Variants in ZNF707 observed in about 807,000 individuals in gnomAD.
The protein encoded by ZNF707 is zinc finger protein 707.
ZNF707 carries 8 observed loss-of-function variants against 13.3 expected under a neutral mutation model. That is an observed-to-expected ratio of 0.60 (90% CI 0.35 to 1.09). ZNF707 has a LOEUF of 1.09. Among genes scored for constraint, ZNF707 ranks in the 50% least tolerant of loss-of-function variants. ZNF707 has a pLI of 0.02. For missense variants in ZNF707, 530 were observed against 512.6 expected, an observed-to-expected ratio of 1.03 and a Z score of -0.33; for synonymous variants, 225 against 205.6, an observed-to-expected ratio of 1.09 and a Z score of -0.81.
At position 143,693,336 on chromosome 8, in the gene ZNF707, G is replaced by A. The variant is rs1587400106; in HGVS notation, c.257-335G>A. On this transcript the variant is annotated intron_variant, in intron 5 of 5. Coordinates refer to ENST00000358656, the MANE Select transcript of ZNF707 (RefSeq NM_001100598.2). This position sits in a 1 kb window ranked among gnomAD's most constrained non-coding sequence, Gnocchi z 4.1. ...CGCTCTGTCGCCCAGGCTGGACTGC[G>A]GACTGCAGTGGCGCAATCTCGGCTC... is the stretch of plus-strand genomic sequence containing the variant. Among the ~76,000 whole-genome samples, 1 of 151,140 alleles carries A rather than the reference G, an allele frequency of 6.6e-6. No homozygotes were observed. The highest frequency in any genetic ancestry group is 1.5e-5 in the Non-Finnish European group (1 of 67,754).
In ZNF707 at chr8:143,691,628, C is replaced by T; in HGVS notation, c.171C>T (p.Val57=). The change falls in exon 5 of 6, where the codon GTC becomes GTT. Residue 57 remains valine (V), a synonymous_variant. Transcript: ENST00000358656. ...LGFCSPRPDL[V]SRLEQWEEPW... is the part of the protein sequence containing the mutation. ...TTTGCAGCCCCAGACCAGACCTCGT[C>T]TCTCGCCTGGAACAGTGGGAGGAGC... is the stretch of plus-strand genomic sequence containing the variant. 5.0e-6 allele frequency: 8 copies of T among 1,609,392 alleles called. No individual in the cohort carries two copies. The highest frequency in any genetic ancestry group is 6.8e-6 in the Non-Finnish European group (8 of 1,178,282).
chr8:143,684,742 C>T (rs1816099302), intron 1 of ZNF707, 200 bp downstream of exon 1: 1 of 152,368 alleles, frequency 6.6e-6, no homozygotes, highest in Non-Finnish European at 1.5e-5. Flanking sequence ...TCTCCTCGCT[C>T]CTTACACTTG....
chr8:143,690,288 G>T (rs1485850733), intron 3 of ZNF707, 165 bp downstream of exon 3: 2 of 856,698 alleles, frequency 2.3e-6, no homozygotes, highest in African/African-American at 3.4e-5. Context: ...AAAGAAAATT[G>T]GGGCCAGGCG....
intron 1 of ZNF707, chr8:143,687,081 G>A (rs1297352946): frequency 6.6e-6 from 1 of 151,674 alleles, no homozygotes; most frequent in Non-Finnish European, 1.5e-5. Context: ...ATGTTGGCCA[G>A]GCTGGTCTCA....
At chr8:143,686,677 A>T (rs1816305799) in intron 1 of ZNF707, among the ~76,000 whole-genome samples, 1 of 151,728 alleles carries the variant, frequency 6.6e-6, no homozygotes, top group Admixed American at 6.6e-5. Flanking sequence ...AGAAAAAAAA[A>T]TTTAAACAAT....
In ZNF707 at chr8:143,695,262, CTT is replaced by C. The variant is rs1554615099; in HGVS notation, c.*734_*735del. The C allele has an allele frequency of 6.6e-6, 1 of 152,164 alleles. No individual in the cohort carries two copies. Among genetic ancestry groups the C allele is most frequent in the African/African-American group, 2.4e-5 (1 of 41,430 alleles). 9.4% of individuals were successfully genotyped at this position (152,164 alleles called of 1,614,324 possible). On this transcript the variant is annotated 3_prime_UTR_variant, in exon 6 of 6. Transcript: ENST00000358656. Reference sequence around the variant, plus strand: ...CATTTCGTGGGGGAAGAGGTGACCTCTTTGTTTTAAACTTAAGGTGTCTGCTT... The same window carrying C: ...CATTTCGTGGGGGAAGAGGTGACCTCTGTTTTAAACTTAAGGTGTCTGCTT...
rs782022012 is a variant in ZNF707, at chr8:143,691,668, C to G, written c.211C>G (p.Arg71Gly). 3.1e-6 allele frequency: 5 copies of G among 1,607,084 alleles called. No homozygotes were observed. The highest frequency in any genetic ancestry group is 1.3e-5 in the African/African-American group (1 of 74,824). Reference sequence around the variant, plus strand: ...GTGGGAGGAGCCGTGGGTTGAAGACCGGGAGAGACCTGAGTTCCAGGCAGT... The same window carrying G: ...GTGGGAGGAGCCGTGGGTTGAAGACGGGGAGAGACCTGAGTTCCAGGCAGT... ...EQWEEPWVED[R>G]ERPEFQAVQR... Residue 71 changes from arginine (R) to glycine (G), a missense_variant, in exon 5 of 6, where the codon CGG becomes GGG. Arg to Gly is a moderately radical substitution (Grantham distance 125). Coordinates refer to ENST00000358656, the MANE Select transcript of ZNF707 (RefSeq NM_001100598.2).
intron 1 of ZNF707, among the ~76,000 whole-genome samples, chr8:143,685,271 T>C (rs1587363459): frequency 6.6e-6 from 1 of 152,318 alleles, no homozygotes; most frequent in East Asian, 1.9e-4. Flanking sequence ...CCGCCTGTAA[T>C]CTCAGCTCTT....
intron 5 of ZNF707, chr8:143,692,264 G>A: frequency 1.6e-6 from 2 of 1,289,976 alleles, no homozygotes; most frequent in African/African-American, 1.5e-5. Context: ...GAGCAGCTAT[G>A]TGAACACGAG....
Position 143,693,948 on chromosome 8 carries a change from C to T in ZNF707, c.534C>T (p.Cys178=). The T allele has an allele frequency of 1.9e-6, 3 of 1,601,192 alleles. No homozygotes were observed. Among genetic ancestry groups the T allele is most frequent in the Non-Finnish European group, 2.6e-6 (3 of 1,175,242 alleles). ...GCGCAGTAGAGCTGTCATTCATCTG[C>T]GGCACGTGCGGGAAGGCGCTCAGCT... ...KQRAVELSFI[C]GTCGKALSCH... is the part of the protein sequence containing the mutation. Residue 178 remains cysteine, a synonymous_variant, in exon 6 of 6, where the codon TGC becomes TGT. Coordinates refer to ENST00000358656, the MANE Select transcript of ZNF707 (RefSeq NM_001100598.2). The surrounding 1 kb of genome is among the most constrained non-coding windows in gnomAD (Gnocchi z 4.1).
intron 3 of ZNF707, 34 bp downstream of exon 3, chr8:143,690,157 T>C: frequency 3.1e-6 from 5 of 1,601,358 alleles, no homozygotes; most frequent in Non-Finnish European, 4.2e-6. Flanking sequence ...CAGCCTCCCT[T>C]CTGCCCTGCT....
Position 143,684,559 on chromosome 8 carries a change from C to T in ZNF707, c.-151+17C>T, listed in dbSNP as rs1047529971. The T allele has an allele frequency of 2.6e-5, 4 of 152,336 alleles. No individual in the cohort carries two copies. The highest frequency in any genetic ancestry group is 9.6e-5 in the African/African-American group (4 of 41,456). 9.4% of individuals were successfully genotyped at this position (152,336 alleles called of 1,614,324 possible). On this transcript the variant is annotated intron_variant, in intron 1 of 5. Coordinates refer to ENST00000358656, the MANE Select transcript of ZNF707 (RefSeq NM_001100598.2). ...GCCCCTGTGGTGAGTGCGCCCGTGT[C>T]CCCCGCCGCCCCTCCGTCCCTGGGT...
chr8:143,692,960 C>T (rs1246201412), intron 5 of ZNF707, among the ~76,000 whole-genome samples: 5 of 152,112 alleles, frequency 3.3e-5, no homozygotes, highest in Admixed American at 2.0e-4. Context: ...TGGAGCTACC[C>T]GTCTTCTAGA....
At chr8:143,687,671 T>G (rs1816415253) in intron 1 of ZNF707, among the ~76,000 whole-genome samples, 1 of 152,008 alleles carries the variant, frequency 6.6e-6, no homozygotes, top group Admixed American at 6.5e-5. Context: ...CTTTATGTGT[T>G]TTTTCTACCT....
chr8:143,690,222 A>G (rs1307094441), intron 3 of ZNF707, 99 bp downstream of exon 3: 4 of 1,490,214 alleles, frequency 2.7e-6, no homozygotes, highest in Admixed American at 1.8e-5. Flanking sequence ...GTGGCTTCCC[A>G]GGCACTGTGC....
At chr8:143,685,597 G>A (rs1816190749) in intron 1 of ZNF707, among the ~76,000 whole-genome samples, 1 of 151,842 alleles carries the variant, frequency 6.6e-6, no homozygotes, top group Admixed American at 6.6e-5. Flanking sequence ...CCCAGCACTT[G>A]GGGAGGCTGA....
rs782447101 is a variant in ZNF707, at chr8:143,693,857, T to G, written c.443T>G (p.Phe148Cys). The G allele has an allele frequency of 6.2e-7, 1 of 1,610,664 alleles. No homozygotes were observed. The highest frequency in any genetic ancestry group is 8.5e-7 in the Non-Finnish European group (1 of 1,178,732). Reference sequence around the variant, plus strand: ...AGGACAGACGCCAAGCCCACGGCTTTCCCGTGTCAGGTGCTCACGCAGCGT... The same window carrying G: ...AGGACAGACGCCAAGCCCACGGCTTGCCCGTGTCAGGTGCTCACGCAGCGT... ...PERTDAKPTA[F>C]PCQVLTQRCG... Residue 148 changes from phenylalanine (F) to cysteine (C), a missense_variant, in exon 6 of 6, where the codon TTC (phenylalanine) becomes TGC (cysteine). Physicochemically the swap from Phe to Cys is radical, Grantham distance 205. Coordinates refer to ENST00000358656, the MANE Select transcript of ZNF707 (RefSeq NM_001100598.2). The surrounding 1 kb of genome is among the most constrained non-coding windows in gnomAD (Gnocchi z 4.1).
chr8:143,691,431 CT>C, intron 4 of ZNF707, 168 bp from the exon 5 acceptor site: 2 of 1,037,498 alleles, frequency 1.9e-6, no homozygotes, highest in Non-Finnish European at 2.7e-6. Flanking sequence ...TTCCGTGGGC[CT>C]TGGTGTCCAG....
chr8:143,689,572 C>T (rs563116161), intron 2 of ZNF707, among the ~76,000 whole-genome samples: 2 of 152,142 alleles, frequency 1.3e-5, no homozygotes, highest in Non-Finnish European at 2.9e-5. Context: ...CTCGGGGCTG[C>T]ACCAGGTTTT....
Sources: gnomAD v4.1 joint callset for allele counts (sites outside exome capture counted in the v4.1 genomes callset) on GRCh38, gnomAD v4.1.1 for gene constraint, Gnocchi (gnomAD v3.1) non-coding constraint, MANE v1.5 for transcripts, NCBI Gene and HGNC (gene_info 2026-07-23, HGNC 2026-07-21) for gene names.